The following RAPGEFL1 variants were observed in gnomAD, a reference collection of about 807,000 sequenced individuals.
The protein encoded by RAPGEFL1 is Rap guanine nucleotide exchange factor like 1.
Under a neutral mutation model 64.4 loss-of-function variants are expected in RAPGEFL1, and 31 were observed. The ratio of observed to expected loss-of-function variants is 0.48; its 90% CI spans 0.36 to 0.65. The LOEUF is 0.65. Among genes scored for constraint, RAPGEFL1 ranks in the 30% least tolerant of loss-of-function variants. RAPGEFL1 has a pLI of 0.00. For synonymous variants in RAPGEFL1, 331 were observed against 274.1 expected (o/e 1.21, Z -2.05); for missense variants, 682 against 677.4 (o/e 1.01, Z -0.08).
rs112076812 is a variant in RAPGEFL1 at position 40,189,439 on chromosome 17, G to C, written c.1114+64G>C. ...AGAAACTCACAAGCTCAGGGCTCTG[G>C]GGGAGGGGTAGAGACTGAATTCTAG... On this transcript the variant is annotated intron_variant, in intron 6 of 14. Coordinates refer to ENST00000620260, the MANE Select transcript of RAPGEFL1 (RefSeq NM_016339.6). 3,902 of 1,567,808 alleles carry C rather than the reference G, an allele frequency of 2.5e-3. 13 individuals carry two copies. Among genetic ancestry groups the C allele is most frequent in the Non-Finnish European group, 3.1e-3 (3,591 of 1,147,288 alleles).
chr17:40,177,262 G>A (rs1408120930), upstream of RAPGEFL1: 6 of 702,476 alleles, frequency 8.5e-6, no homozygotes, highest in Middle Eastern at 2.3e-4. Flanking sequence ...GTTATCCCTT[G>A]AGCCAGGAAT....
rs1372341126 is a variant in RAPGEFL1, at chr17:40,191,161, CT to C, written c.1336-152del. ...TGCTGGTTGTTTTCTTTTTCCGCAT[CT>C]TTGCCGCCTCCTGTCCTTTCTATTT... On this transcript the variant is annotated intron_variant, in intron 8 of 14. Coordinates refer to ENST00000620260, the MANE Select transcript of RAPGEFL1 (RefSeq NM_016339.6). This position sits in a 1 kb window ranked among gnomAD's most constrained non-coding sequence, Gnocchi z 5.1. 1.4e-6 allele frequency: 1 copy of C among 695,546 alleles called. No individual in the cohort carries two copies. Among genetic ancestry groups the C allele is most frequent in the East Asian group, 2.9e-5 (1 of 33,962 alleles). The allele number at this position is 695,546 out of a possible 1,614,324, so 43.1% of individuals were successfully genotyped here. A position where few individuals can be genotyped will look rare whatever the true frequency, so the allele number is the denominator to read the frequency against.
chr17:40,181,655 T>C lies in RAPGEFL1; in HGVS notation c.560T>C (p.Phe187Ser), dbSNP rs1384879413. The change falls in exon 2 of 15, where the codon TTC becomes TCC. Residue 187 changes from phenylalanine to serine, a missense_variant. Phe to Ser is a radical substitution (Grantham distance 155). Coordinates refer to ENST00000620260, the MANE Select transcript of RAPGEFL1 (RefSeq NM_016339.6). ...GACATTGTCCTTACCCATTCTCTCT[T>C]CCTCCCGACGGAGAAATTTCTGCAG... Reference protein sequence around the residue: ...LDDIVLTHSLFLPTEKFLQEL... With the variant: ...LDDIVLTHSLSLPTEKFLQEL... The C allele has an allele frequency of 1.4e-6, 1 of 702,834 alleles. No homozygotes were observed. The highest frequency in any genetic ancestry group is 1.5e-5 in the South Asian group (1 of 67,602). 43.5% of individuals were successfully genotyped at this position (702,834 alleles called of 1,614,324 possible).
At chr17:40,192,104 A>C in intron 10 of RAPGEFL1, 109 bp from the exon 11 acceptor site, 1 of 1,012,036 alleles carries the variant, frequency 9.9e-7, no homozygotes, top group East Asian at 2.4e-5. Flanking sequence ...AGCCCCCTAC[A>C]AGCCATGCAG....
At position 40,191,408 on chromosome 17, in the gene RAPGEFL1, G is replaced by T; in HGVS notation, c.1428G>T (p.Thr476=). Residue 476 remains threonine, a synonymous_variant, in exon 9 of 15, where the codon ACG becomes ACT. Transcript: ENST00000620260. This position sits in a 1 kb window ranked among gnomAD's most constrained non-coding sequence, Gnocchi z 5.1. ...ELLLQRCSEV[T]HWVATEVLLC... is the part of the protein sequence containing the mutation. ...TGCTGCAGCGCTGCAGCGAGGTCAC[G>T]CACTGGGTGGCCACCGAAGTGCTGC... 6.2e-7 allele frequency: 1 copy of T among 1,603,752 alleles called. No homozygotes were observed.
chr17:40,195,389 C>G lies in RAPGEFL1; in HGVS notation c.*1601C>G, dbSNP rs1383849420. On this transcript the variant is annotated 3_prime_UTR_variant, in exon 15 of 15. Coordinates refer to ENST00000620260, the MANE Select transcript of RAPGEFL1 (RefSeq NM_016339.6). ...CTGATGCACTCTCCTCTCCCTGCAG[C>G]CCCTGGCTTCCCAGCCTTCCTCCTG... 1 of 153,872 alleles carries G rather than the reference C, an allele frequency of 6.5e-6. No individual in the cohort carries two copies. Among genetic ancestry groups the G allele is most frequent in the Non-Finnish European group, 1.5e-5 (1 of 68,872 alleles). 9.5% of individuals were successfully genotyped at this position (153,872 alleles called of 1,614,324 possible).
intron 1 of RAPGEFL1, chr17:40,181,412 T>A: frequency 1.6e-6 from 1 of 627,910 alleles, no homozygotes; most frequent in Non-Finnish European, 3.0e-6. Flanking sequence ...CCTTGGCAGC[T>A]GCCGAACCCA....
chr17:40,184,823 A>C, intron 4 of RAPGEFL1, 145 bp downstream of exon 4: 1 of 604,816 alleles, frequency 1.7e-6, no homozygotes, highest in Non-Finnish European at 2.9e-6. Flanking sequence ...TTTGTCGCCT[A>C]GGCTGGAGAG....
chr17:40,186,847 T>C (rs908384241), intron 4 of RAPGEFL1, among the ~76,000 whole-genome samples: 6 of 149,946 alleles, frequency 4.0e-5, no homozygotes, highest in South Asian at 4.2e-4. Context: ...TGAGCCGAGA[T>C]TGCAGCACTG....
chr17:40,190,037 G>A (rs538432692), intron 6 of RAPGEFL1, among the ~76,000 whole-genome samples: 8 of 152,148 alleles, frequency 5.3e-5, no homozygotes, highest in African/African-American at 1.9e-4. Flanking sequence ...CCTATGGATT[G>A]TATTCTGATC....
At chr17:40,177,331 C>G, upstream of RAPGEFL1, 1 of 702,458 alleles carries the variant, frequency 1.4e-6, no homozygotes, top group South Asian at 1.5e-5. Context: ...TGCTTAGAAC[C>G]CAAGTCCCTT....
chr17:40,195,416 C>T lies in RAPGEFL1; in HGVS notation c.*1628C>T, dbSNP rs1310986370. 3 of 153,452 alleles carry T rather than the reference C, an allele frequency of 2.0e-5. No homozygotes were observed. The highest frequency in any genetic ancestry group is 2.9e-5 in the Non-Finnish European group (2 of 68,574). 9.5% of individuals were successfully genotyped at this position (153,452 alleles called of 1,614,324 possible). A position where few individuals can be genotyped will look rare whatever the true frequency, so the allele number is the denominator to read the frequency against. ...CCTGGCTTCCCAGCCTTCCTCCTGA[C>T]CCCTTCCAACAGCCTTGGAACTCCA... On this transcript the variant is annotated 3_prime_UTR_variant, in exon 15 of 15. Transcript: ENST00000620260.
chr17:40,188,670 T>C (rs575552035), intron 4 of RAPGEFL1, 196 bp from the exon 5 acceptor site: 7 of 585,880 alleles, frequency 1.2e-5, no homozygotes, highest in Admixed American at 2.9e-5. Flanking sequence ...ATGGAAGAGG[T>C]GGCATTTGAT....
intron 14 of RAPGEFL1, 67 bp downstream of exon 14, chr17:40,193,484 A>C: frequency 6.3e-7 from 1 of 1,587,250 alleles, no homozygotes; most frequent in Non-Finnish European, 8.7e-7. Context: ...TTCAGGGGAG[A>C]ACTCCCTGTC....
chr17:40,178,444 C>G (rs962109882), intron 1 of RAPGEFL1, 63 bp downstream of exon 1: 3 of 464,826 alleles, frequency 6.5e-6, no homozygotes, highest in Non-Finnish European at 7.7e-6. Context: ...CTTCCTTGCC[C>G]TTGGAGCGTA....
At chr17:40,190,959 C>A in intron 8 of RAPGEFL1, 197 bp downstream of exon 8, 1 of 737,314 alleles carries the variant, frequency 1.4e-6, no homozygotes, top group East Asian at 2.7e-5. Context: ...GGCTCAGGGC[C>A]CAAGTGCTGT....
intron 1 of RAPGEFL1, among the ~76,000 whole-genome samples, chr17:40,179,389 G>A (rs909646713): frequency 8.6e-5 from 13 of 150,930 alleles, no homozygotes; most frequent in African/African-American, 2.2e-4. Context: ...TAGTAGAGAC[G>A]GGGTTTCGGG....
At chr17:40,181,478 C>T (rs1989892731) in intron 1 of RAPGEFL1, 138 bp from the exon 2 acceptor site, 1 of 675,756 alleles carries the variant, frequency 1.5e-6, no homozygotes, top group African/African-American at 1.8e-5. Flanking sequence ...GTGTGCAGAG[C>T]ATGACAAGGC....
intron 8 of RAPGEFL1, 119 bp downstream of exon 8, chr17:40,190,881 A>G (rs1165507534): frequency 1.4e-5 from 20 of 1,459,236 alleles, no homozygotes; most frequent in Non-Finnish European, 1.1e-5. Flanking sequence ...CCCTTGGGCA[A>G]CGCATGGCCG....
Sources: allele counts gnomAD v4.1 joint callset (sites outside exome capture counted in the v4.1 genomes callset), GRCh38; gene constraint gnomAD v4.1.1; non-coding constraint Gnocchi (gnomAD v3.1); transcripts MANE v1.5; gene names NCBI Gene and HGNC (gene_info 2026-07-23, HGNC 2026-07-21).